The following PRKG1 variants were observed in gnomAD, a reference collection of about 807,000 sequenced individuals.
PRKG1 encodes protein kinase cGMP-dependent 1.
PRKG1 carries 35 observed loss-of-function variants against 88.1 expected under a neutral mutation model. That is an observed-to-expected ratio of 0.40 (90% CI 0.30 to 0.53). The LOEUF is 0.53. Ranked by LOEUF, PRKG1 falls within the 20% of genes least tolerant of loss-of-function variation. PRKG1 has a pLI of 0.59. For synonymous variants in PRKG1, 303 were observed against 292.5 expected, an observed-to-expected ratio of 1.04 and a Z score of -0.37; for missense variants, 540 against 839.8, an observed-to-expected ratio of 0.64 and a Z score of 4.41.
intron 3 of PRKG1, among the ~76,000 whole-genome samples, chr10:51,716,861 TA>T (rs1841899395): frequency 1.3e-5 from 2 of 152,176 alleles, no homozygotes; most frequent in South Asian, 4.1e-4. Context: ...CCCGCCTGGC[TA>T]ACTTTTTGTA....
At position 52,174,850 on chromosome 10, in the gene PRKG1, T is replaced by C. The variant is rs1348915720; in HGVS notation, c.1076+12887T>C. ...GATTTTATTTTTATCTACATTGTTATATCAATGCATCTTTATTTTTAATTG... is the reference window on the plus strand; with the variant it reads ...GATTTTATTTTTATCTACATTGTTACATCAATGCATCTTTATTTTTAATTG... On this transcript the variant is annotated intron_variant, in intron 9 of 17. Coordinates refer to ENST00000373980, the MANE Select transcript of PRKG1 (RefSeq NM_006258.4). Among the ~76,000 whole-genome samples the C allele has an allele frequency of 1.3e-5, 2 of 152,074 alleles. 1 individual carries two copies. Among genetic ancestry groups the C allele is most frequent in the South Asian group, 4.1e-4 (2 of 4,838 alleles).
intron 3 of PRKG1, among the ~76,000 whole-genome samples, chr10:51,469,750 C>G (rs1840000124): frequency 6.6e-6 from 1 of 151,722 alleles, no homozygotes; most frequent in East Asian, 1.9e-4. Flanking sequence ...AGAGAAAGCT[C>G]AAGAATGCAT....
chr10:51,600,578 G>A (rs370012345), intron 3 of PRKG1, among the ~76,000 whole-genome samples: 78 of 152,170 alleles, frequency 5.1e-4, no homozygotes, highest in South Asian at 3.9e-3. Context: ...TTTTAATAAC[G>A]TGCTATCTCA....
At chr10:51,554,777 G>A (rs1344056363) in intron 3 of PRKG1, among the ~76,000 whole-genome samples, 2 of 151,690 alleles carry the variant, frequency 1.3e-5, no homozygotes, top group Non-Finnish European at 2.9e-5. Context: ...TCCTCCATGA[G>A]CAAACATTTG....
intron 2 of PRKG1, among the ~76,000 whole-genome samples, chr10:51,450,671 C>G (rs1219889296): frequency 6.6e-6 from 1 of 151,732 alleles, no homozygotes; most frequent in Non-Finnish European, 1.5e-5. Context: ...AACTAATAAA[C>G]AGTTGCAGCT....
At chr10:51,812,359 T>A (rs1451693655) in intron 4 of PRKG1, among the ~76,000 whole-genome samples, 1 of 152,206 alleles carries the variant, frequency 6.6e-6, no homozygotes, top group Non-Finnish European at 1.5e-5. Context: ...CAAAACTTCT[T>A]AGCCCAATTC....
At chr10:51,869,418 G>T (rs187514232) in intron 4 of PRKG1, among the ~76,000 whole-genome samples, 1 of 151,608 alleles carries the variant, frequency 6.6e-6, no homozygotes, top group Non-Finnish European at 1.5e-5. Context: ...GTTTTACTTT[G>T]TGACTGCTTT....
chr10:51,155,119 T>C (rs895718290), intron 2 of PRKG1, among the ~76,000 whole-genome samples: 4 of 152,074 alleles, frequency 2.6e-5, no homozygotes, highest in Non-Finnish European at 5.9e-5. Context: ...TGCTAATTAT[T>C]GCTGTTTCAT....
chr10:51,823,646 C>T (rs1169237629), intron 4 of PRKG1, among the ~76,000 whole-genome samples: 1 of 151,796 alleles, frequency 6.6e-6, no homozygotes, highest in Non-Finnish European at 1.5e-5. Context: ...TGAAACATTT[C>T]GATGTTTGAG....
chr10:51,537,799 G>A (rs1042714560), intron 3 of PRKG1, among the ~76,000 whole-genome samples: 1 of 151,884 alleles, frequency 6.6e-6, no homozygotes, highest in African/African-American at 2.4e-5. Context: ...CACCCATGGG[G>A]AGTATTCTTT....
intron 5 of PRKG1, among the ~76,000 whole-genome samples, chr10:51,936,377 A>G (rs1265321194): frequency 1.3e-5 from 2 of 152,124 alleles, no homozygotes; most frequent in Non-Finnish European, 2.9e-5. Context: ...ATAATGCATA[A>G]CTAAACCACA....
intron 5 of PRKG1, among the ~76,000 whole-genome samples, chr10:51,933,041 T>C (rs1197750926): frequency 6.6e-6 from 1 of 152,146 alleles, no homozygotes; most frequent in African/African-American, 2.4e-5. Flanking sequence ...AAGACTTTAG[T>C]ACATTATCAC....
intron 2 of PRKG1, among the ~76,000 whole-genome samples, chr10:51,465,487 G>A (rs537765012): frequency 4.6e-4 from 70 of 152,138 alleles, no homozygotes; most frequent in Non-Finnish European, 9.6e-4. Context: ...ATTTTACAAA[G>A]CATTGCAAAA....
At chr10:51,403,053 G>A (rs1440807437) in intron 2 of PRKG1, among the ~76,000 whole-genome samples, 6 of 152,082 alleles carry the variant, frequency 3.9e-5, no homozygotes, top group Non-Finnish European at 7.4e-5. Context: ...ATAAAACTCC[G>A]GTGAACCAAG....
intron 4 of PRKG1, among the ~76,000 whole-genome samples, chr10:51,851,566 T>C (rs373528208): frequency 6.6e-6 from 1 of 152,216 alleles, no homozygotes; most frequent in African/African-American, 2.4e-5. Flanking sequence ...TATATACTTT[T>C]TACATTATTT....
intron 3 of PRKG1, among the ~76,000 whole-genome samples, chr10:51,542,949 C>A (rs1028300212): frequency 6.6e-6 from 1 of 152,256 alleles, no homozygotes; most frequent in African/African-American, 2.4e-5. Flanking sequence ...AACATAGGAA[C>A]GTGGGGGACA....
chr10:51,558,646 A>G (rs1158418578), intron 3 of PRKG1, among the ~76,000 whole-genome samples: 1 of 152,150 alleles, frequency 6.6e-6, no homozygotes, highest in African/African-American at 2.4e-5. Context: ...ATACTCAGTG[A>G]TAAATAAGAA....
intron 4 of PRKG1, among the ~76,000 whole-genome samples, chr10:51,821,995 C>T (rs1340952929): frequency 6.6e-6 from 1 of 152,020 alleles, no homozygotes. Flanking sequence ...GAAGAGATAT[C>T]TGCACTCCAT....
chr10:51,570,469 T>C (rs12262367), intron 3 of PRKG1, among the ~76,000 whole-genome samples: 21,473 of 151,726 alleles, frequency 0.14, 1,626 homozygotes, highest in African/African-American at 0.19. Flanking sequence ...TGCCTTCAAA[T>C]TGAGTAGTCT....
Sources: gnomAD v4.1 joint callset for allele counts (sites outside exome capture counted in the v4.1 genomes callset) on GRCh38, gnomAD v4.1.1 for gene constraint, MANE v1.5 for transcripts, NCBI Gene and HGNC (gene_info 2026-07-23, HGNC 2026-07-21) for gene names.